The following LRP1B variants were observed in gnomAD, a reference collection of about 807,000 sequenced individuals.
LRP1B encodes LDL receptor related protein 1B.
A neutral mutation model predicts 556.6 loss-of-function variants in LRP1B; 217 were observed. The observed-to-expected ratio is 0.39, with a 90% confidence interval of 0.35 to 0.44. LRP1B has a LOEUF of 0.44. LRP1B is among the 20% of genes least tolerant of loss of function. The pLI, the probability that LRP1B is intolerant of heterozygous loss-of-function variation, is 1.00. For synonymous variants in LRP1B, 2,047 were observed against 1,865.8 expected (o/e 1.10, Z -2.50); for missense variants, 5,053 against 5,620.8 (o/e 0.90, Z 3.23).
chr2:140,868,987 T>C (rs978890229), intron 25 of LRP1B, among the ~76,000 whole-genome samples: 4 of 152,212 alleles, frequency 2.6e-5, no homozygotes, highest in African/African-American at 9.6e-5. Context: ...AGGCTACCAG[T>C]TCTGGGTCGA....
chr2:140,884,607 T>C (rs977100666), intron 24 of LRP1B, among the ~76,000 whole-genome samples: 1 of 152,148 alleles, frequency 6.6e-6, no homozygotes, highest in Non-Finnish European at 1.5e-5. Flanking sequence ...GTAACAAAAA[T>C]GTAAATAAGA....
chr2:141,671,530 T>C (rs1005670195), intron 2 of LRP1B, among the ~76,000 whole-genome samples: 4 of 152,130 alleles, frequency 2.6e-5, no homozygotes, highest in Admixed American at 2.6e-4. Context: ...CTGGGGTGTG[T>C]TTATACCTGA....
In LRP1B at chr2:141,247,121, TC is replaced by T. The variant is rs1684095229; in HGVS notation, c.592+104del. The T allele has an allele frequency of 3.1e-6, 4 of 1,284,376 alleles. No individual in the cohort carries two copies. The East Asian group carries it at 9.7e-5, about 31-fold the overall frequency. The allele number at this position is 1,284,376 out of a possible 1,614,324, so 79.6% of individuals were successfully genotyped here. A position where few individuals can be genotyped will look rare whatever the true frequency, so the allele number is the denominator to read the frequency against. ...GTATTAAAATGAAAGCAAATCTCTC[TC>T]TTCAAAGTCCATATTTCTGCTATAC... is the stretch of plus-strand genomic sequence containing the variant. On this transcript the variant is annotated intron_variant, in intron 5 of 90. Transcript: ENST00000389484.
At chr2:141,765,128 G>T (rs1006077761) in intron 2 of LRP1B, among the ~76,000 whole-genome samples, 5 of 144,530 alleles carry the variant, frequency 3.5e-5, no homozygotes, top group Non-Finnish European at 7.7e-5. Context: ...GAAAGAATTC[G>T]CAAGTAGGTT....
At chr2:140,717,076 T>A (rs1320172100) in intron 35 of LRP1B, among the ~76,000 whole-genome samples, 1 of 152,100 alleles carries the variant, frequency 6.6e-6, no homozygotes, top group African/African-American at 2.4e-5. Flanking sequence ...GCATTGTTTA[T>A]TGTTTTTATT....
At chr2:142,005,886 GA>G (rs1418361673) in intron 1 of LRP1B, among the ~76,000 whole-genome samples, 107 of 100,472 alleles carry the variant, frequency 1.1e-3, no homozygotes, top group African/African-American at 2.7e-3. Flanking sequence ...ATCCTCTCAT[GA>G]AAAAAAAAAA....
At chr2:141,509,328 A>T (rs1163070578) in intron 2 of LRP1B, among the ~76,000 whole-genome samples, 1 of 152,146 alleles carries the variant, frequency 6.6e-6, no homozygotes, top group Non-Finnish European at 1.5e-5. Flanking sequence ...ACTGTCAAGG[A>T]TGTTTGTGTC....
chr2:142,084,374 G>A (rs762007844), intron 1 of LRP1B, among the ~76,000 whole-genome samples: 5 of 151,858 alleles, frequency 3.3e-5, no homozygotes, highest in Non-Finnish European at 7.4e-5. Context: ...CTGAACCTTC[G>A]ATTTTGACAT....
chr2:140,323,871 C>T (rs778180451), intron 81 of LRP1B, 22 bp downstream of exon 81: 1 of 1,245,588 alleles, frequency 8.0e-7, no homozygotes, highest in South Asian at 1.4e-5. Context: ...ATATAGACAA[C>T]TTCATAATAT....
intron 81 of LRP1B, among the ~76,000 whole-genome samples, chr2:140,322,732 T>C (rs1680214944): frequency 6.6e-6 from 1 of 152,052 alleles, no homozygotes; most frequent in Non-Finnish European, 1.5e-5. Flanking sequence ...TCATAGCTGA[T>C]TTTTGACCTT....
chr2:140,441,840 T>C (rs540266190), intron 66 of LRP1B, among the ~76,000 whole-genome samples: 11 of 152,272 alleles, frequency 7.2e-5, no homozygotes, highest in African/African-American at 2.6e-4. Context: ...ATCAAATGAA[T>C]TACACATAGC....
intron 77 of LRP1B, among the ~76,000 whole-genome samples, chr2:140,338,214 T>TA (rs540723928): frequency 1.6e-3 from 249 of 151,710 alleles, no homozygotes; most frequent in Non-Finnish European, 2.4e-3. Flanking sequence ...GAATATGGGG[T>TA]AAAAAATAGA....
intron 60 of LRP1B, among the ~76,000 whole-genome samples, chr2:140,468,462 AGTG>A (rs1187332232): frequency 5.7e-5 from 8 of 140,302 alleles, no homozygotes; most frequent in African/African-American, 1.8e-4. Flanking sequence ...GGGCCACTGC[AGTG>A]TCCCTTATAG....
chr2:140,258,948 T>A (rs922679398), intron 86 of LRP1B, among the ~76,000 whole-genome samples: 1 of 152,164 alleles, frequency 6.6e-6, no homozygotes, highest in Admixed American at 6.6e-5. Context: ...TTCTATCAGA[T>A]GACTATGTCA....
At chr2:140,907,825 C>T (rs1030839439) in intron 22 of LRP1B, 52 bp downstream of exon 22, 87 of 1,507,038 alleles carry the variant, frequency 5.8e-5, no homozygotes, top group Non-Finnish European at 7.3e-5. Flanking sequence ...AGCAACTGAA[C>T]TAAAAGGTTG....
At chr2:142,047,496 G>A in intron 1 of LRP1B, among the ~76,000 whole-genome samples, 1 of 151,582 alleles carries the variant, frequency 6.6e-6, no homozygotes, top group Non-Finnish European at 1.5e-5. Flanking sequence ...ATTCCTTGAA[G>A]TAAAATAACC....
chr2:141,555,969 T>A (rs533667026), intron 2 of LRP1B, among the ~76,000 whole-genome samples: 1 of 151,908 alleles, frequency 6.6e-6, no homozygotes, highest in African/African-American at 2.4e-5. Context: ...TTGTTTAAAG[T>A]GAAGACTTTC....
chr2:141,335,154 C>T (rs1051840594), intron 3 of LRP1B, among the ~76,000 whole-genome samples: 2 of 152,086 alleles, frequency 1.3e-5, no homozygotes, highest in African/African-American at 4.8e-5. Context: ...CGAGTTAAAG[C>T]CAGTTCCTAC....
Position 140,647,792 on chromosome 2 carries a change from G to A in LRP1B, c.6800-46153C>T, listed in dbSNP as rs558487889. On this transcript the variant is annotated intron_variant, in intron 41 of 90. Transcript: ENST00000389484. ...ATCATTAAAAATTCAGGAAACAACA[G>A]GTGCTGGAGAGGATGTATAGAAATA... Among the ~76,000 whole-genome samples the A allele has an allele frequency of 2.6e-5, 4 of 152,280 alleles. No individual in the cohort carries two copies. In the East Asian group the frequency reaches 7.7e-4, roughly 29 times the overall value.
Sources: allele counts gnomAD v4.1 joint callset (sites outside exome capture counted in the v4.1 genomes callset), GRCh38; gene constraint gnomAD v4.1.1; transcripts MANE v1.5; gene names NCBI Gene and HGNC (gene_info 2026-07-23, HGNC 2026-07-21).